Variants in MATN1 observed in about 807,000 individuals in gnomAD.
MATN1 encodes matrilin 1.
Under a neutral mutation model 41.3 loss-of-function variants are expected in MATN1, and 34 were observed. The ratio of observed to expected loss-of-function variants is 0.82; its 90% CI spans 0.63 to 1.10. The LOEUF is 1.10. Ranked by LOEUF, MATN1 falls within the 50% of genes least tolerant of loss-of-function variation. MATN1 has a pLI of 0.00. For synonymous variants in MATN1, 264 were observed against 278.7 expected (o/e 0.95, Z 0.53); for missense variants, 602 against 662.4 (o/e 0.91, Z 1.00).
In MATN1 at chr1:30,721,470, A is replaced by C; in HGVS notation, c.376T>G (p.Phe126Val). The C allele has an allele frequency of 1.2e-6, 2 of 1,613,664 alleles. No individual in the cohort carries two copies. The highest frequency in any genetic ancestry group is 1.7e-6 in the Non-Finnish European group (2 of 1,180,014). ...TCGCCGAAGGCTTTGGTGATAGCGA[A>C]CTGGATGGCCAGGCCGGTCATGGTG... is the stretch of plus-strand genomic sequence containing the variant. ...TGTMTGLAIQ[F>V]AITKAFGDAE... The change falls in exon 2 of 8, where the codon TTC becomes GTC. Residue 126 changes from phenylalanine to valine, a missense_variant. By Grantham distance (50) the Phe-to-Val change is conservative. Coordinates refer to ENST00000373765, the MANE Select transcript of MATN1 (RefSeq NM_002379.3).
intron 3 of MATN1, among the ~76,000 whole-genome samples, chr1:30,718,222 G>C (rs1245639041): frequency 6.9e-6 from 1 of 145,458 alleles, no homozygotes; most frequent in Admixed American, 6.8e-5. Flanking sequence ...CCCCGACGCT[G>C]ACTTTTTCTG....
At chr1:30,715,843 T>C (rs1440967559) in intron 5 of MATN1, 66 bp downstream of exon 5, 7 of 1,498,202 alleles carry the variant, frequency 4.7e-6, no homozygotes, top group African/African-American at 2.8e-5. Flanking sequence ...TAAACTACAG[T>C]TGGGCTATAC....
At position 30,716,882 on chromosome 1, in the gene MATN1, T is replaced by A; in HGVS notation, c.698A>T (p.Asp233Val). The A allele has an allele frequency of 6.2e-7, 1 of 1,613,806 alleles. No homozygotes were observed. Among genetic ancestry groups the A allele is most frequent in the Non-Finnish European group, 8.5e-7 (1 of 1,179,882 alleles). ...GGAGCTGATGCACACCTGCTCACAGTCATGGTCCCCTGTGGCGCACAGGTC... is the reference window on the plus strand; with the variant it reads ...GGAGCTGATGCACACCTGCTCACAGACATGGTCCCCTGTGGCGCACAGGTC... ...VSDLCATGDHDCEQVCISSPG... is the reference protein window; with the variant it reads ...VSDLCATGDHVCEQVCISSPG... The change falls in exon 4 of 8, where the codon GAC (aspartate) becomes GTC (valine). Residue 233 changes from aspartate (D) to valine (V), a missense_variant. Asp to Val is a radical substitution (Grantham distance 152, BLOSUM62 -3). Transcript: ENST00000373765.
intron 2 of MATN1, chr1:30,719,166 C>T (rs1639665827): frequency 1.9e-6 from 1 of 513,246 alleles, no homozygotes; most frequent in South Asian, 3.0e-5. Flanking sequence ...CTTCGCCTCC[C>T]TCGGGCAGGC....
chr1:30,718,839 G>A lies in MATN1; in HGVS notation c.560C>T (p.Thr187Met), dbSNP rs1291173044. ...AIGVGSVDKA[T>M]LRQIASEPQD... ...CGGCTCGCTGGCGATCTGCCGCAGC[G>A]TGGCCTTGTCCACGCTGCCCACTCC... Residue 187 changes from threonine (T) to methionine (M), a missense_variant, in exon 3 of 8, where the codon ACG becomes ATG. Coordinates refer to ENST00000373765, the MANE Select transcript of MATN1 (RefSeq NM_002379.3). The A allele has an allele frequency of 1.2e-6, 2 of 1,608,968 alleles. No homozygotes were observed. The highest frequency in any genetic ancestry group is 8.5e-7 in the Non-Finnish European group (1 of 1,178,764).
chr1:30,714,405 C>G, intron 6 of MATN1, 78 bp from the exon 7 acceptor site: 1 of 1,191,956 alleles, frequency 8.4e-7, no homozygotes. Flanking sequence ...AGTCACTGCC[C>G]AGGGCCAGGA....
In MATN1 at chr1:30,718,589, GC is replaced by G. The variant is rs1553124586; in HGVS notation, c.664+145del. 3.2e-3 allele frequency: 588 copies of G among 182,968 alleles called. 6 individuals are homozygous for G. Among genetic ancestry groups the G allele is most frequent in the African/African-American group, 0.03 (474 of 16,002 alleles). The allele number at this position is 182,968 out of a possible 1,614,324, so 11.3% of individuals were successfully genotyped here. On this transcript the variant is annotated intron_variant, in intron 3 of 7. Coordinates refer to ENST00000373765, the MANE Select transcript of MATN1 (RefSeq NM_002379.3). Reference sequence around the variant, plus strand: ...CTATCTCTCTCCCGTCTCCGCCTCTGCCCCCCCCCCGGCCCCGCCCCTGCCC... The same window carrying G: ...CTATCTCTCTCCCGTCTCCGCCTCTGCCCCCCCCCGGCCCCGCCCCTGCCC...
At chr1:30,718,384 T>G (rs1255607812) in intron 3 of MATN1, 1 of 204,734 alleles carries the variant, frequency 4.9e-6, no homozygotes, top group East Asian at 1.4e-4. Flanking sequence ...GCCCTGGCAC[T>G]GACTGTCTCC....
At chr1:30,716,964 CA>C in intron 3 of MATN1, 49 bp from the exon 4 acceptor site, 1 of 1,556,090 alleles carries the variant, frequency 6.4e-7, no homozygotes, top group Non-Finnish European at 8.7e-7. Flanking sequence ...GTGCCTTGGG[CA>C]CTACAGACAG....
chr1:30,716,177 C>T lies in MATN1; in HGVS notation c.939G>A (p.Gln313=), dbSNP rs747457294. ...AGCTTGAGTACTGCACCAGCCCCAC[C>T]TGGGCCAGCTTGTCTGACACGTCCA... ...DTLDVSDKLA[Q]VGLVQYSSSV... is the part of the protein sequence containing the mutation. The change falls in exon 5 of 8, where the codon CAG becomes CAA. Residue 313 remains glutamine (Q), a synonymous_variant. Coordinates refer to ENST00000373765, the MANE Select transcript of MATN1 (RefSeq NM_002379.3). 6.2e-7 allele frequency: 1 copy of T among 1,614,234 alleles called. No individual in the cohort carries two copies. The highest frequency in any genetic ancestry group is 1.7e-5 in the Admixed American group (1 of 60,032).
rs796515248 is a variant in MATN1, at chr1:30,721,381, C to T, written c.441+24G>A. On this transcript the variant is annotated intron_variant, in intron 2 of 7. Transcript: ENST00000373765. Reference sequence around the variant, plus strand: ...AGCGGGAGCCTCCAAACAGCAGCATCCTAGCAGGGTGGCGTGCACGTACCT... The same window carrying T: ...AGCGGGAGCCTCCAAACAGCAGCATTCTAGCAGGGTGGCGTGCACGTACCT... The T allele has an allele frequency of 8.8e-6, 14 of 1,583,634 alleles. No individual in the cohort carries two copies. The African/African-American group carries it at 1.6e-4, about 18-fold the overall frequency.
In MATN1 at chr1:30,715,318, A is replaced by G; in HGVS notation, c.1208-9T>C. On this transcript the variant is annotated splice_polypyrimidine_tract_variant and intron_variant, in intron 5 of 7. Transcript: ENST00000373765. Reference sequence around the variant, plus strand: ...AGCAAACATCTTAAAGCCTGCCAGGAGGAACAGGAGAAGTAAGGCTGGACA... The same window carrying G: ...AGCAAACATCTTAAAGCCTGCCAGGGGGAACAGGAGAAGTAAGGCTGGACA... The G allele has an allele frequency of 6.2e-7, 1 of 1,613,918 alleles. No homozygotes were observed. Among genetic ancestry groups the G allele is most frequent in the Non-Finnish European group, 8.5e-7 (1 of 1,179,844 alleles).
intron 5 of MATN1, among the ~76,000 whole-genome samples, chr1:30,715,564 C>T (rs1375291174): frequency 6.6e-6 from 1 of 152,224 alleles, no homozygotes; most frequent in Non-Finnish European, 1.5e-5. Context: ...TAATAATCAT[C>T]CATCTGGTGG....
chr1:30,720,618 C>T (rs1036998892), intron 2 of MATN1: 3 of 152,962 alleles, frequency 2.0e-5, no homozygotes, highest in Non-Finnish European at 4.4e-5. Context: ...GAAAGAACCT[C>T]CCCTGAGCTG....
At chr1:30,718,388 T>A (rs1472978996) in intron 3 of MATN1, 1 of 196,820 alleles carries the variant, frequency 5.1e-6, no homozygotes, top group East Asian at 1.4e-4. Flanking sequence ...TGGCACTGAC[T>A]GTCTCCGTCT....
intron 4 of MATN1, 126 bp downstream of exon 4, chr1:30,716,664 C>T: frequency 1.5e-6 from 2 of 1,325,310 alleles, no homozygotes; most frequent in South Asian, 3.0e-5. Flanking sequence ...CTCTAAAAGG[C>T]ATCTGTCTGC....
Position 30,714,638 on chromosome 1 carries a change from C to T in MATN1, c.1361-311G>A, listed in dbSNP as rs1300457051. On this transcript the variant is annotated intron_variant, in intron 6 of 7. Transcript: ENST00000373765. Reference sequence around the variant, plus strand: ...TCACCTCAGTGAGTTCACCTCAGCCCTTTGGGTTTGAAGTCATTAATCCCA... The same window carrying T: ...TCACCTCAGTGAGTTCACCTCAGCCTTTTGGGTTTGAAGTCATTAATCCCA... Among the ~76,000 whole-genome samples the T allele has an allele frequency of 2.6e-5, 4 of 152,142 alleles. 1 individual carries two copies. Among genetic ancestry groups the T allele is most frequent in the Admixed American group, 2.6e-4 (4 of 15,282 alleles).
chr1:30,715,658 T>C (rs2124152466), intron 5 of MATN1, among the ~76,000 whole-genome samples: 1 of 152,340 alleles, frequency 6.6e-6, no homozygotes, highest in East Asian at 1.9e-4. Context: ...TGATGTGTTC[T>C]TGGGAATATC....
chr1:30,715,855 C>T (rs920914644), intron 5 of MATN1, 54 bp downstream of exon 5: 15 of 1,556,690 alleles, frequency 9.6e-6, no homozygotes, highest in East Asian at 6.8e-5. Context: ...GGGCTATACC[C>T]GTGTGTACCC....
Sources: gnomAD v4.1 joint callset for allele counts (sites outside exome capture counted in the v4.1 genomes callset) on GRCh38, gnomAD v4.1.1 for gene constraint, MANE v1.5 for transcripts, NCBI Gene and HGNC (gene_info 2026-07-23, HGNC 2026-07-21) for gene names.